ASB4: variants seen among roughly 807,000 people sequenced by gnomAD.
ASB4 encodes ankyrin repeat and SOCS box containing 4.
Under a neutral mutation model 38.6 loss-of-function variants are expected in ASB4, and 35 were observed. That is an observed-to-expected ratio of 0.91 (90% CI 0.69 to 1.20). ASB4 has a LOEUF of 1.20. Among genes scored for constraint, ASB4 ranks in the 50% most tolerant of loss-of-function variants. The pLI, the probability that ASB4 is intolerant of heterozygous loss-of-function variation, is 0.00. For synonymous variants in ASB4, 195 were observed against 201.3 expected, an observed-to-expected ratio of 0.97 and a Z score of 0.26; for missense variants, 557 against 527.2, an observed-to-expected ratio of 1.06 and a Z score of -0.55.
At chr7:95,489,314 C>A (rs1172513739) in intron 1 of ASB4, among the ~76,000 whole-genome samples, 1 of 152,162 alleles carries the variant, frequency 6.6e-6, no homozygotes, top group Non-Finnish European at 1.5e-5. Context: ...AAGCTCATTT[C>A]TGCTTTCCTC....
chr7:95,493,860 T>C (rs1010560879), intron 1 of ASB4, among the ~76,000 whole-genome samples: 13 of 152,134 alleles, frequency 8.5e-5, no homozygotes, highest in Non-Finnish European at 1.6e-4. Flanking sequence ...GAACTGCCCC[T>C]TTTTTTAATG....
rs1395689901 is a variant in ASB4 at position 95,537,922 on chromosome 7, A to T, written c.*163A>T. 3.3e-5 allele frequency: 20 copies of T among 603,214 alleles called. No homozygotes were observed. The East Asian group carries it at 5.5e-4, about 17-fold the overall frequency. The allele number at this position is 603,214 out of a possible 1,614,324, so 37.4% of individuals were successfully genotyped here. A position where few individuals can be genotyped will look rare whatever the true frequency, so the allele number is the denominator to read the frequency against. On this transcript the variant is annotated 3_prime_UTR_variant, in exon 5 of 5. Transcript: ENST00000325885. ...AATCCTAGAATATCATGGTATGGGG[A>T]AATAAAGAAGAAGTAAAGTTAAGGA...
downstream of ASB4, among the ~76,000 whole-genome samples, chr7:95,544,808 T>C (rs1232195317): frequency 6.6e-6 from 1 of 152,094 alleles, no homozygotes; most frequent in Non-Finnish European, 1.5e-5. Context: ...GATTCTGTCA[T>C]GTCAGCCTCC....
chr7:95,527,173 G>A (rs1441992193), intron 2 of ASB4, among the ~76,000 whole-genome samples: 3 of 151,370 alleles, frequency 2.0e-5, no homozygotes, highest in African/African-American at 2.4e-5. Context: ...GACTAAAGTC[G>A]TGTGTGTGTG....
intron 2 of ASB4, among the ~76,000 whole-genome samples, chr7:95,527,408 T>TAA (rs968060733): frequency 5.3e-5 from 8 of 152,242 alleles, no homozygotes; most frequent in African/African-American, 1.9e-4. Flanking sequence ...AGTTGATTTT[T>TAA]AAAGAGTCAA....
At chr7:95,485,930 C>T (rs766317704), upstream of ASB4, 2 of 1,587,928 alleles carry the variant, frequency 1.3e-6, no homozygotes, top group Non-Finnish European at 1.7e-6. Context: ...CGGTGCTGTT[C>T]TCTCGATAAA....
At chr7:95,484,956 ATATATATATGTGTGTATATATG>A (rs1027864888), upstream of ASB4, among the ~76,000 whole-genome samples, 7 of 124,390 alleles carry the variant, frequency 5.6e-5, no homozygotes, top group Admixed American at 4.4e-4. Flanking sequence ...TTACACACAC[ATATATATATGTGTGTATATATG>A]TATATATGTG....
upstream of ASB4, among the ~76,000 whole-genome samples, chr7:95,474,755 G>A (rs1297449090): frequency 6.6e-6 from 1 of 152,082 alleles, no homozygotes; most frequent in Non-Finnish European, 1.5e-5. Flanking sequence ...GAACTCTTGG[G>A]GCTCAAGCAG....
chr7:95,501,102 A>G (rs1390018816), intron 2 of ASB4, among the ~76,000 whole-genome samples: 1 of 152,198 alleles, frequency 6.6e-6, no homozygotes, highest in African/African-American at 2.4e-5. Flanking sequence ...TAGAAATTAT[A>G]TATTAATTTA....
At chr7:95,495,399 C>G (rs1455251665) in intron 1 of ASB4, among the ~76,000 whole-genome samples, 3 of 152,046 alleles carry the variant, frequency 2.0e-5, no homozygotes, top group Non-Finnish European at 4.4e-5. Context: ...ATCCTTGAAG[C>G]ATCTCAAATA....
At chr7:95,524,992 C>A (rs892987894) in intron 2 of ASB4, among the ~76,000 whole-genome samples, 2 of 152,210 alleles carry the variant, frequency 1.3e-5, no homozygotes, top group Non-Finnish European at 2.9e-5. Context: ...AATTCTGTAA[C>A]CACTCACCCT....
Position 95,527,698 on chromosome 7 carries a change from A to G in ASB4, c.488-115A>G, listed in dbSNP as rs1790757787. 3.8e-6 allele frequency: 4 copies of G among 1,043,550 alleles called. No homozygotes were observed. The South Asian group carries it at 6.7e-5, about 17-fold the overall frequency. 64.6% of individuals were successfully genotyped at this position (1,043,550 alleles called of 1,614,324 possible). The stretch of plus-strand genomic sequence containing the variant: ...GCAAAGGGGTTGAGGGTTGGGGATA[A>G]TATACGGCAGTCAGAAGTTAAAAGA... On this transcript the variant is annotated intron_variant, in intron 2 of 4. Transcript: ENST00000325885.
At chr7:95,493,891 C>T (rs10248757) in intron 1 of ASB4, among the ~76,000 whole-genome samples, 40,900 of 151,864 alleles carry the variant, frequency 0.27, 5,643 homozygotes, top group East Asian at 0.37. Flanking sequence ...ATTTGATTGA[C>T]GGATGTATCA....
chr7:95,496,390 G>A (rs983593982), intron 2 of ASB4, among the ~76,000 whole-genome samples: 2 of 152,116 alleles, frequency 1.3e-5, no homozygotes, highest in African/African-American at 2.4e-5. Flanking sequence ...TAATAAGGGA[G>A]ACAAATATTA....
the ASB4 span, among the ~76,000 whole-genome samples, chr7:95,546,666 G>A: frequency 3.9e-5 from 6 of 152,150 alleles, no homozygotes; most frequent in Non-Finnish European, 8.8e-5. Context: ...ATTGCTTAGA[G>A]TTGATAGGCA....
intron 2 of ASB4, among the ~76,000 whole-genome samples, chr7:95,526,119 C>T (rs1364366581): frequency 6.6e-6 from 1 of 152,084 alleles, no homozygotes; most frequent in African/African-American, 2.4e-5. Context: ...GAAAAATTTT[C>T]CTTCAGAAAA....
chr7:95,525,271 G>A (rs570628431), intron 2 of ASB4, among the ~76,000 whole-genome samples: 1 of 152,162 alleles, frequency 6.6e-6, no homozygotes, highest in Non-Finnish European at 1.5e-5. Flanking sequence ...AATTTCAGTT[G>A]TTTTAAGCTA....
At chr7:95,535,401 G>A (rs536482343) in intron 3 of ASB4, among the ~76,000 whole-genome samples, 3 of 152,180 alleles carry the variant, frequency 2.0e-5, no homozygotes, top group Admixed American at 2.0e-4. Context: ...GGCTTTAGGA[G>A]GACCCCCTCA....
chr7:95,492,364 T>C (rs1282444835), intron 1 of ASB4, among the ~76,000 whole-genome samples: 1 of 152,172 alleles, frequency 6.6e-6, no homozygotes, highest in Non-Finnish European at 1.5e-5. Context: ...TACAGATGAA[T>C]TGAGGATCTT....
Sources: allele counts gnomAD v4.1 joint callset (sites outside exome capture counted in the v4.1 genomes callset), GRCh38; gene constraint gnomAD v4.1.1; transcripts MANE v1.5; gene names NCBI Gene and HGNC (gene_info 2026-07-23, HGNC 2026-07-21).